ACVR1C: variants seen among roughly 807,000 people sequenced by gnomAD.
ACVR1C encodes the protein activin receptor type-1C.
Under a neutral mutation model 57.9 loss-of-function variants are expected in ACVR1C, and 23 were observed. The observed-to-expected ratio is 0.40, with a 90% CI of 0.29 to 0.56. The LOEUF is 0.56. ACVR1C is among the 20% of genes least tolerant of loss of function. ACVR1C has a pLI of 0.50. For synonymous variants in ACVR1C, 214 were observed against 215.3 expected (o/e 0.99, Z 0.05); for missense variants, 480 against 607.9 (o/e 0.79, Z 2.21).
At chr2:157,538,951 TA>T (rs1282067568) in intron 7 of ACVR1C, among the ~76,000 whole-genome samples, 2 of 148,848 alleles carry the variant, frequency 1.3e-5, no homozygotes, top group Non-Finnish European at 3.0e-5. Flanking sequence ...TAAGATTATA[TA>T]AAATTATAAT....
intron 2 of ACVR1C, among the ~76,000 whole-genome samples, chr2:157,560,793 A>G (rs1688215506): frequency 6.6e-6 from 1 of 152,214 alleles, no homozygotes; most frequent in African/African-American, 2.4e-5. Context: ...ACTAGAATAA[A>G]ATATCTTTCC....
intron 1 of ACVR1C, among the ~76,000 whole-genome samples, chr2:157,626,779 G>A (rs956387907): frequency 3.3e-5 from 5 of 152,158 alleles, no homozygotes; most frequent in African/African-American, 7.2e-5. Context: ...GGACACAGAG[G>A]GGTAAAAACT....
intron 2 of ACVR1C, among the ~76,000 whole-genome samples, chr2:157,575,601 T>A (rs1688626497): frequency 6.6e-6 from 1 of 152,158 alleles, no homozygotes; most frequent in South Asian, 2.1e-4. Context: ...TTCTCCAAAG[T>A]CCTCCAAACA....
intron 1 of ACVR1C, among the ~76,000 whole-genome samples, chr2:157,588,665 C>A (rs1047505699): frequency 1.4e-5 from 2 of 145,840 alleles, no homozygotes; most frequent in African/African-American, 5.0e-5. Flanking sequence ...TAGCTTAGCT[C>A]CCTTTTATTA....
intron 2 of ACVR1C, among the ~76,000 whole-genome samples, chr2:157,562,211 C>T (rs1171384796): frequency 6.6e-6 from 1 of 151,208 alleles, no homozygotes; most frequent in Non-Finnish European, 1.5e-5. Context: ...AGAAGAATCG[C>T]TTGAACCCAG....
At chr2:157,593,895 G>A (rs939616178) in intron 1 of ACVR1C, among the ~76,000 whole-genome samples, 5 of 152,106 alleles carry the variant, frequency 3.3e-5, no homozygotes, top group African/African-American at 1.2e-4. Flanking sequence ...GATTCAGCTG[G>A]TAGAAATACT....
intron 1 of ACVR1C, among the ~76,000 whole-genome samples, chr2:157,601,271 T>G (rs1317758536): frequency 6.6e-6 from 1 of 151,762 alleles, no homozygotes; most frequent in Non-Finnish European, 1.5e-5. Context: ...GAGCTGAGAT[T>G]GCACCACTGC....
chr2:157,590,643 T>C (rs901005212), intron 1 of ACVR1C, among the ~76,000 whole-genome samples: 1 of 151,954 alleles, frequency 6.6e-6, no homozygotes, highest in African/African-American at 2.4e-5. Flanking sequence ...AAATATACTT[T>C]TTCATCAATA....
At chr2:157,577,195 T>C (rs1403260064) in intron 2 of ACVR1C, among the ~76,000 whole-genome samples, 5 of 152,234 alleles carry the variant, frequency 3.3e-5, no homozygotes, top group African/African-American at 9.6e-5. Flanking sequence ...CTGCCCATTT[T>C]ATAACTGATT....
At chr2:157,599,706 C>T (rs1682238737) in intron 1 of ACVR1C, among the ~76,000 whole-genome samples, 1 of 152,174 alleles carries the variant, frequency 6.6e-6, no homozygotes, top group South Asian at 2.1e-4. Context: ...CAAGAATACA[C>T]CATACACTTT....
At chr2:157,548,425 C>T (rs1252989616) in intron 4 of ACVR1C, among the ~76,000 whole-genome samples, 2 of 148,988 alleles carry the variant, frequency 1.3e-5, no homozygotes, top group Non-Finnish European at 3.0e-5. Context: ...TTGGAAAAAA[C>T]TACTTTAAAG....
Position 157,620,125 on chromosome 2 carries a change from A to G in ACVR1C, c.73+8447T>C, listed in dbSNP as rs1682736424. Among the ~76,000 whole-genome samples, 7 of 152,094 alleles carry G rather than the reference A, an allele frequency of 4.6e-5. No individual in the cohort carries two copies. In the South Asian group the frequency reaches 1.4e-3, roughly 31 times the overall value. ...ACATAAGGGAATGCCTTTTCATAGA[A>G]CATAGCTAAAGAGTAGCTGTAGGAA... On this transcript the variant is annotated intron_variant, in intron 1 of 8. Coordinates refer to ENST00000243349, the MANE Select transcript of ACVR1C (RefSeq NM_145259.3).
intron 2 of ACVR1C, among the ~76,000 whole-genome samples, chr2:157,572,716 A>G (rs1453070886): frequency 6.6e-6 from 1 of 152,190 alleles, no homozygotes; most frequent in Non-Finnish European, 1.5e-5. Context: ...TGGAGACAAG[A>G]AATGCCTCCT....
chr2:157,617,757 G>A (rs1682685385), intron 1 of ACVR1C, among the ~76,000 whole-genome samples: 1 of 151,812 alleles, frequency 6.6e-6, no homozygotes, highest in African/African-American at 2.4e-5. Context: ...ATATATTAAT[G>A]GATAGAAGGA....
intron 7 of ACVR1C, among the ~76,000 whole-genome samples, chr2:157,538,973 T>C (rs1302361787): frequency 6.9e-6 from 1 of 144,628 alleles, no homozygotes; most frequent in Non-Finnish European, 1.5e-5. Context: ...ATATAACACA[T>C]AATTTTATAA....
At chr2:157,582,135 T>C (rs904259431) in intron 2 of ACVR1C, among the ~76,000 whole-genome samples, 2 of 152,150 alleles carry the variant, frequency 1.3e-5, no homozygotes, top group South Asian at 2.1e-4. Flanking sequence ...CTGTGCAACA[T>C]TGTAGGACCC....
In ACVR1C at chr2:157,607,003, G is replaced by A. The variant is rs544982933; in HGVS notation, c.74-19586C>T. On this transcript the variant is annotated intron_variant, in intron 1 of 8. Transcript: ENST00000243349. ...TGATTTTTGTATACAGTGAGGACTAGGGGTCCAGTTTCATTCTTCTGCATA... is the reference window on the plus strand; with the variant it reads ...TGATTTTTGTATACAGTGAGGACTAAGGGTCCAGTTTCATTCTTCTGCATA... 5.9e-5 allele frequency among the ~76,000 whole-genome samples: 9 copies of A among 151,868 alleles called. No individual in the cohort carries two copies. The South Asian group carries it at 1.7e-3, about 28-fold the overall frequency.
chr2:157,550,071 T>C, intron 4 of ACVR1C, 91 bp downstream of exon 4: 2 of 1,064,612 alleles, frequency 1.9e-6, no homozygotes, highest in Non-Finnish European at 2.7e-6. Context: ...TATTTTTTCT[T>C]ATCTGATACT....
chr2:157,554,213 A>G (rs898546037), intron 3 of ACVR1C, among the ~76,000 whole-genome samples: 161 of 97,762 alleles, frequency 1.6e-3, no homozygotes, highest in African/African-American at 8.0e-3. Flanking sequence ...GAAAGAAAGA[A>G]AGAAAGAAAG....
Sources: gnomAD v4.1 joint callset for allele counts (sites outside exome capture counted in the v4.1 genomes callset) on GRCh38, gnomAD v4.1.1 for gene constraint, MANE v1.5 for transcripts, NCBI Gene and HGNC (gene_info 2026-07-23, HGNC 2026-07-21) for gene names.